The following ELMO1 variants were observed in gnomAD, a reference collection of about 807,000 sequenced individuals.
ELMO1 encodes engulfment and cell motility protein 1.
In ELMO1, 26 loss-of-function variants were observed where a neutral mutation model predicts 98.9. The ratio of observed to expected loss-of-function variants is 0.26; its 90% CI spans 0.19 to 0.36. The LOEUF (loss-of-function observed/expected upper bound fraction) is 0.36, where lower values mean the gene tolerates loss of function less well. Ranked by LOEUF, ELMO1 falls within the 10% of genes least tolerant of loss-of-function variation. The pLI is 1.00. For missense variants in ELMO1, 627 were observed against 935.2 expected (o/e 0.67, Z 4.30); for synonymous variants, 346 against 346.0 (o/e 1.00, Z 0.00).
intron 15 of ELMO1, among the ~76,000 whole-genome samples, chr7:37,062,732 TAA>T (rs1796732639): frequency 6.6e-6 from 1 of 152,126 alleles, no homozygotes; most frequent in African/African-American, 2.4e-5. Context: ...CCTGGTAAAT[TAA>T]GTTATGAAAA....
At chr7:37,171,481 C>CTTTTTTTT (rs71553100) in intron 13 of ELMO1, among the ~76,000 whole-genome samples, 443 of 44,186 alleles carry the variant, frequency 0.01, 34 homozygotes, top group East Asian at 0.013. Flanking sequence ...CCAGGCCTTT[C>CTTTTTTTT]TATTTTTTTT....
rs554265782 is a variant in ELMO1, at chr7:37,407,902, G to C, written c.-74+40773C>G. On this transcript the variant is annotated intron_variant, in intron 1 of 21. Coordinates refer to ENST00000310758, the MANE Select transcript of ELMO1 (RefSeq NM_014800.11). ...AGAGGGAAGCCCTGCTGGGGAAAGA[G>C]AGGATATGGAAACTGTACTTTGTGC... 2.0e-5 allele frequency among the ~76,000 whole-genome samples: 3 copies of C among 152,280 alleles called. No homozygotes were observed. The South Asian group carries it at 6.2e-4, about 32-fold the overall frequency.
chr7:37,116,559 A>G (rs1483825875), intron 14 of ELMO1, among the ~76,000 whole-genome samples: 1 of 152,154 alleles, frequency 6.6e-6, no homozygotes, highest in African/African-American at 2.4e-5. Context: ...TTCAATTCAC[A>G]TTAGACTTGT....
chr7:36,902,898 T>C (rs1214796265), intron 16 of ELMO1, among the ~76,000 whole-genome samples: 1 of 152,236 alleles, frequency 6.6e-6, no homozygotes, highest in Non-Finnish European at 1.5e-5. Context: ...CCCTGGACCC[T>C]TGCCCTATTG....
intron 1 of ELMO1, among the ~76,000 whole-genome samples, chr7:37,421,594 A>T (rs950022193): frequency 1.1e-4 from 16 of 152,220 alleles, no homozygotes; most frequent in Non-Finnish European, 1.8e-4. Flanking sequence ...TCTCGAATAT[A>T]ATCACAACTC....
At chr7:37,395,577 G>A (rs11764914) in intron 1 of ELMO1, among the ~76,000 whole-genome samples, 1 of 152,114 alleles carries the variant, frequency 6.6e-6, no homozygotes, top group Non-Finnish European at 1.5e-5. Flanking sequence ...AGATCCTTGA[G>A]AAAAAGTGAA....
chr7:37,328,070 T>C (rs1302220867), intron 2 of ELMO1, among the ~76,000 whole-genome samples: 1 of 152,072 alleles, frequency 6.6e-6, no homozygotes, highest in Non-Finnish European at 1.5e-5. Flanking sequence ...GAGCAAACCA[T>C]ATGAGGGATT....
At chr7:37,016,814 G>A (rs1012309298) in intron 15 of ELMO1, among the ~76,000 whole-genome samples, 1 of 152,180 alleles carries the variant, frequency 6.6e-6, no homozygotes, top group Non-Finnish European at 1.5e-5. Context: ...AAGGCTCGGT[G>A]ACTTCTCCAA....
At chr7:37,101,095 A>T (rs916434118) in intron 14 of ELMO1, among the ~76,000 whole-genome samples, 1 of 152,234 alleles carries the variant, frequency 6.6e-6, no homozygotes, top group African/African-American at 2.4e-5. Context: ...CAGCAGCTAA[A>T]CCAAAATCAT....
At chr7:36,947,668 C>G (rs1394631275) in intron 16 of ELMO1, among the ~76,000 whole-genome samples, 1 of 152,198 alleles carries the variant, frequency 6.6e-6, no homozygotes, top group Non-Finnish European at 1.5e-5. Context: ...GGGTCAAAGT[C>G]TGAACTCCAC....
At chr7:37,309,044 G>C (rs1233690808) in intron 4 of ELMO1, among the ~76,000 whole-genome samples, 5 of 152,154 alleles carry the variant, frequency 3.3e-5, no homozygotes, top group African/African-American at 1.2e-4. Flanking sequence ...AGAGATAAAG[G>C]GACAGGCCAA....
chr7:37,404,527 A>G (rs1259748034), intron 1 of ELMO1, among the ~76,000 whole-genome samples: 1 of 152,190 alleles, frequency 6.6e-6, no homozygotes. Flanking sequence ...TGTTAACGGA[A>G]GTAACAACCT....
At chr7:37,319,214 C>T (rs1280935329) in intron 2 of ELMO1, among the ~76,000 whole-genome samples, 1 of 152,090 alleles carries the variant, frequency 6.6e-6, no homozygotes, top group Non-Finnish European at 1.5e-5. Flanking sequence ...CTTTCACATT[C>T]CCTACCCCTC....
chr7:37,277,404 C>T (rs2130883746), intron 4 of ELMO1, among the ~76,000 whole-genome samples: 1 of 152,328 alleles, frequency 6.6e-6, no homozygotes, highest in Middle Eastern at 3.4e-3. Flanking sequence ...CATCTCAAAG[C>T]TCTGAGGCAT....
At chr7:36,949,912 A>G (rs1476355650) in intron 16 of ELMO1, among the ~76,000 whole-genome samples, 1 of 152,192 alleles carries the variant, frequency 6.6e-6, no homozygotes, top group Non-Finnish European at 1.5e-5. Flanking sequence ...CAATGCAAAC[A>G]TCTTTCCAAA....
intron 20 of ELMO1, 114 bp from the exon 21 acceptor site, chr7:36,861,850 A>G: frequency 1.1e-6 from 1 of 939,316 alleles, no homozygotes; most frequent in Non-Finnish European, 1.7e-6. Context: ...AGCCAAGCGG[A>G]GCTGCAATGA....
intron 21 of ELMO1, among the ~76,000 whole-genome samples, chr7:36,857,127 G>A (rs1219976526): frequency 1.3e-5 from 2 of 152,186 alleles, no homozygotes; most frequent in Non-Finnish European, 2.9e-5. Context: ...TGTTTCAGGA[G>A]GGCAGCATTG....
In ELMO1 at chr7:36,854,502, G is replaced by A. The variant is rs1419375802; in HGVS notation, c.*1049C>T. 2.0e-4 allele frequency: 29 copies of A among 143,596 alleles called. No individual in the cohort carries two copies. Among genetic ancestry groups the A allele is most frequent in the African/African-American group, 7.7e-4 (29 of 37,470 alleles). The allele number at this position is 143,596 out of a possible 1,614,324, so 8.9% of individuals were successfully genotyped here. ...TTTTCATTAAATATATATCTGTTTG[G>A]CAAAAAATGTTAGACTCTTTTGTAC... On this transcript the variant is annotated 3_prime_UTR_variant, in exon 22 of 22. Coordinates refer to ENST00000310758, the MANE Select transcript of ELMO1 (RefSeq NM_014800.11).
At chr7:37,413,982 C>T (rs1804106424) in intron 1 of ELMO1, among the ~76,000 whole-genome samples, 1 of 152,056 alleles carries the variant, frequency 6.6e-6, no homozygotes, top group Non-Finnish European at 1.5e-5. Flanking sequence ...CAGGCCACTT[C>T]AGCATGGCAA....
Sources: allele counts gnomAD v4.1 joint callset (sites outside exome capture counted in the v4.1 genomes callset), GRCh38; gene constraint gnomAD v4.1.1; transcripts MANE v1.5; gene names NCBI Gene and HGNC (gene_info 2026-07-23, HGNC 2026-07-21).